CYP4X1: variants seen among roughly 807,000 people sequenced by gnomAD.
CYP4X1 encodes cytochrome P450 4X1.
In CYP4X1, 44 loss-of-function variants were observed where a neutral mutation model predicts 57.9. That is an observed-to-expected ratio of 0.76 (90% CI 0.60 to 0.98). The LOEUF (loss-of-function observed/expected upper bound fraction) is 0.98. Ranked by LOEUF, CYP4X1 falls within the 50% of genes least tolerant of loss-of-function variation. The probability of loss-of-function intolerance (pLI) is 0.00; values close to 1 mark genes in which losing one functional copy is unlikely to be tolerated. For missense variants in CYP4X1, 532 were observed against 623.9 expected (o/e 0.85, Z 1.57); for synonymous variants, 227 against 228.6 (o/e 0.99, Z 0.06).
chr1:47,047,608 C>A, intron 9 of CYP4X1, among the ~76,000 whole-genome samples: 1 of 151,054 alleles, frequency 6.6e-6, no homozygotes, highest in East Asian at 1.9e-4. Flanking sequence ...TGTGTGTGTG[C>A]GTTTTCCTCT....
the CYP4X1 span, among the ~76,000 whole-genome samples, chr1:47,005,486 G>A: frequency 3.3e-5 from 5 of 152,088 alleles, no homozygotes; most frequent in East Asian, 1.9e-4. Context: ...AAGTAAAGCC[G>A]GTGAGCTTTA....
the CYP4X1 span, among the ~76,000 whole-genome samples, chr1:46,998,566 GAGA>G: frequency 6.6e-6 from 1 of 152,148 alleles, no homozygotes; most frequent in East Asian, 1.9e-4. Flanking sequence ...TTTTGCTGTG[GAGA>G]AGATCTTTAG....
chr1:47,022,801 A>G (rs1644012852), upstream of CYP4X1, among the ~76,000 whole-genome samples: 1 of 152,146 alleles, frequency 6.6e-6, no homozygotes, highest in Admixed American at 6.5e-5. Flanking sequence ...TCAATGAATA[A>G]ATGAATGAAT....
the CYP4X1 span, among the ~76,000 whole-genome samples, chr1:46,969,120 CAGTG>C: frequency 6.6e-6 from 1 of 152,006 alleles, no homozygotes; most frequent in East Asian, 1.9e-4. Context: ...CACTGGTGAT[CAGTG>C]AGTGAGTGCT....
At chr1:46,962,069 T>A in the CYP4X1 span, among the ~76,000 whole-genome samples, 9 of 152,298 alleles carry the variant, frequency 5.9e-5, no homozygotes, top group Non-Finnish European at 1.2e-4. Flanking sequence ...AGACTGGTAC[T>A]AAAGAGACTG....
intron 11 of CYP4X1, 114 bp from the exon 12 acceptor site, chr1:47,049,886 T>G (rs561875780): frequency 9.0e-7 from 1 of 1,113,392 alleles, no homozygotes; most frequent in East Asian, 2.7e-5. Flanking sequence ...CAATGGCATT[T>G]GGTGGAAAAA....
At position 47,036,062 on chromosome 1, in the gene CYP4X1, C is replaced by G; in HGVS notation, c.666C>G (p.Ile222Met). 1 of 1,613,686 alleles carries G rather than the reference C, an allele frequency of 6.2e-7. No homozygotes were observed. Among genetic ancestry groups the G allele is most frequent in the Non-Finnish European group, 8.5e-7 (1 of 1,179,710 alleles). ...AAGCCATATTTGAACTCAGCAAAAT[C>G]ATATTTCACCGCTTGTACAGTTTGT... ...YAKAIFELSK[I>M]IFHRLYSLLY... Residue 222 changes from isoleucine to methionine, a missense_variant, in exon 6 of 12, where the codon ATC becomes ATG. Coordinates refer to ENST00000371901, the MANE Select transcript of CYP4X1 (RefSeq NM_178033.2).
At chr1:46,977,617 T>C in the CYP4X1 span, among the ~76,000 whole-genome samples, 1 of 151,668 alleles carries the variant, frequency 6.6e-6, no homozygotes, top group Non-Finnish European at 1.5e-5. Context: ...ATTCAGGAAA[T>C]ACAGAGACCA....
At chr1:47,007,457 T>C in the CYP4X1 span, among the ~76,000 whole-genome samples, 6 of 152,040 alleles carry the variant, frequency 3.9e-5, no homozygotes, top group African/African-American at 7.3e-5. Context: ...CAAAGGTAGA[T>C]AAAACCACAA....
At chr1:47,023,227 A>C (rs1644018181), upstream of CYP4X1, among the ~76,000 whole-genome samples, 1 of 152,338 alleles carries the variant, frequency 6.6e-6, no homozygotes, top group African/African-American at 2.4e-5. Context: ...GCTACTGTGC[A>C]TATCTTCCCC....
chr1:47,021,916 C>A (rs140606319), upstream of CYP4X1, among the ~76,000 whole-genome samples: 269 of 152,272 alleles, frequency 1.8e-3, no homozygotes, highest in African/African-American at 5.9e-3. Flanking sequence ...AGGGACCGGA[C>A]CAGGCAAGAT....
rs756504466 is a variant in CYP4X1, at chr1:47,038,646, A to G, written c.776-14A>G. ...GCCATCACTTTGGTAATTGGAAACT[A>G]TTTTTCTACCCAGATACAATAATCC... On this transcript the variant is annotated splice_polypyrimidine_tract_variant and intron_variant, in intron 6 of 11. Coordinates refer to ENST00000371901, the MANE Select transcript of CYP4X1 (RefSeq NM_178033.2). The G allele has an allele frequency of 6.3e-6, 10 of 1,578,300 alleles. No individual in the cohort carries two copies. In the South Asian group the frequency reaches 1.1e-4, roughly 17 times the overall value.
chr1:46,974,494 C>A, the CYP4X1 span, among the ~76,000 whole-genome samples: 1 of 152,018 alleles, frequency 6.6e-6, no homozygotes, highest in Non-Finnish European at 1.5e-5. Flanking sequence ...TAGTATTCTG[C>A]CTCAATGATC....
chr1:47,004,468 C>G, the CYP4X1 span, among the ~76,000 whole-genome samples: 41,514 of 152,038 alleles, frequency 0.27, 5,980 homozygotes, highest in East Asian at 0.51. Context: ...AACTCAGGAC[C>G]CTTGGTGGGC....
the CYP4X1 span, among the ~76,000 whole-genome samples, chr1:46,989,956 A>G: frequency 6.6e-6 from 1 of 152,206 alleles, no homozygotes; most frequent in African/African-American, 2.4e-5. Flanking sequence ...CTAGAAGAAA[A>G]CCTAGGCAAT....
the CYP4X1 span, among the ~76,000 whole-genome samples, chr1:46,996,202 G>A: frequency 1.6e-4 from 25 of 152,218 alleles, no homozygotes; most frequent in African/African-American, 5.8e-4. Context: ...GCATGAAGAG[G>A]GTAGCTGCAA....
chr1:47,001,003 T>A, the CYP4X1 span: 1 of 218,146 alleles, frequency 4.6e-6, no homozygotes, highest in South Asian at 9.7e-5. Context: ...ACTGGCAGGA[T>A]CAGAAAACAG....
At chr1:47,051,972 G>C (rs571817625), downstream of CYP4X1, among the ~76,000 whole-genome samples, 1 of 151,978 alleles carries the variant, frequency 6.6e-6, no homozygotes, top group South Asian at 2.1e-4. Context: ...TTCAGGTCTG[G>C]ACATACTAGG....
At chr1:47,047,974 G>A (rs1319252885) in intron 9 of CYP4X1, among the ~76,000 whole-genome samples, 1 of 152,058 alleles carries the variant, frequency 6.6e-6, no homozygotes, top group Non-Finnish European at 1.5e-5. Context: ...CAGGCACAGT[G>A]GCTGACGCAT....
Sources: gnomAD v4.1 joint callset for allele counts (sites outside exome capture counted in the v4.1 genomes callset) on GRCh38, gnomAD v4.1.1 for gene constraint, MANE v1.5 for transcripts, NCBI Gene and HGNC (gene_info 2026-07-23, HGNC 2026-07-21) for gene names.